Variants in ZBTB37 observed in about 807,000 individuals in gnomAD.
ZBTB37 encodes zinc finger and BTB domain-containing protein 37.
ZBTB37 carries 15 observed loss-of-function variants against 37.7 expected under a neutral mutation model. The ratio of observed to expected loss-of-function variants is 0.40; its 90% confidence interval spans 0.27 to 0.61. The LOEUF is 0.61. Ranked by LOEUF, ZBTB37 falls within the 20% of genes least tolerant of loss-of-function variation. ZBTB37 has a pLI of 0.44. For synonymous variants in ZBTB37, 231 were observed against 220.6 expected, an observed-to-expected ratio of 1.05 and a Z score of -0.42; for missense variants, 514 against 641.9, an observed-to-expected ratio of 0.80 and a Z score of 2.15.
chr1:173,884,960 G>A (rs1056098176), intron 4 of ZBTB37, among the ~76,000 whole-genome samples: 7 of 152,316 alleles, frequency 4.6e-5, no homozygotes, highest in Middle Eastern at 3.4e-3. Context: ...CTGGCTGGGC[G>A]TCGTGGCTTA....
chr1:173,874,626 C>T (rs1160772084), intron 4 of ZBTB37, among the ~76,000 whole-genome samples: 1 of 152,178 alleles, frequency 6.6e-6, no homozygotes, highest in Non-Finnish European at 1.5e-5. Flanking sequence ...GCTGGGATTA[C>T]AGGTGTGAGC....
At chr1:173,873,156 G>C (rs919123647) in intron 3 of ZBTB37, among the ~76,000 whole-genome samples, 3 of 151,978 alleles carry the variant, frequency 2.0e-5, no homozygotes, top group Non-Finnish European at 4.4e-5. Flanking sequence ...CAAAATTATA[G>C]GCCCCGTTTT....
At chr1:173,894,257 T>TAAGTAATTTTAATTACTTAAAATC (rs1268098103) in exon 4 of ZBTB37, 8 of 152,212 alleles carry the variant, frequency 5.3e-5, no homozygotes, top group Non-Finnish European at 1.2e-4. Context: ...TAATTAAAAT[T>TAAGTAATTTTAATTACTTAAAATC]AAGTAATTTT....
chr1:173,880,935 G>A (rs1422430625), intron 4 of ZBTB37, among the ~76,000 whole-genome samples: 2 of 151,716 alleles, frequency 1.3e-5, no homozygotes, highest in Admixed American at 6.6e-5. Flanking sequence ...CTTAGAGTTG[G>A]GGAGATTTCT....
chr1:173,873,553 A>C, exon 4 of ZBTB37: 1 of 1,614,080 alleles, frequency 6.2e-7, no homozygotes, highest in South Asian at 1.1e-5. Context: ...GAGCCTAAGC[A>C]ACCCAGCTCC....
At chr1:173,877,694 A>T (rs1656061923) in intron 4 of ZBTB37, among the ~76,000 whole-genome samples, 1 of 152,112 alleles carries the variant, frequency 6.6e-6, no homozygotes, top group Admixed American at 6.5e-5. Context: ...AAGGGGTGAG[A>T]CTACAGATGT....
intron 3 of ZBTB37, among the ~76,000 whole-genome samples, chr1:173,872,100 G>T (rs143031261): frequency 6.6e-6 from 1 of 152,224 alleles, no homozygotes; most frequent in East Asian, 1.9e-4. Flanking sequence ...ACGGAGTCTC[G>T]CTGTGTCGTC....
exon 4 of ZBTB37, chr1:173,895,796 G>A (rs1657022505): frequency 6.6e-6 from 1 of 152,156 alleles, no homozygotes; most frequent in Non-Finnish European, 1.5e-5. Context: ...AGATGTGTCA[G>A]ATTTAGGATG....
chr1:173,887,558 A>G (rs1656677726), downstream of ZBTB37: 1 of 152,214 alleles, frequency 6.6e-6, no homozygotes, highest in African/African-American at 2.4e-5. Flanking sequence ...CACTGAGAGA[A>G]AGAACTTAGC....
At chr1:173,873,758 A>C (rs984639889) in intron 4 of ZBTB37, 192 bp downstream of exon 4, 38 of 892,210 alleles carry the variant, frequency 4.3e-5, no homozygotes, top group Non-Finnish European at 3.1e-5. Context: ...CAGAAAGGAA[A>C]ATTGCAGACT....
At chr1:173,878,922 C>T (rs1201199868) in intron 4 of ZBTB37, among the ~76,000 whole-genome samples, 2 of 151,964 alleles carry the variant, frequency 1.3e-5, no homozygotes, top group African/African-American at 4.8e-5. Flanking sequence ...AACCCCTTCT[C>T]TAATAAAAAT....
exon 3 of ZBTB37, chr1:173,870,806 C>G (rs769099246): frequency 2.5e-6 from 4 of 1,614,222 alleles, no homozygotes; most frequent in Middle Eastern, 3.3e-4. Context: ...GAGGAGTCCA[C>G]CAGCCCTCAG....
intron 4 of ZBTB37, among the ~76,000 whole-genome samples, chr1:173,880,122 A>G (rs373586223): frequency 6.6e-6 from 1 of 152,310 alleles, no homozygotes; most frequent in South Asian, 2.1e-4. Flanking sequence ...ACCCAAGTGC[A>G]TTTTATTGCA....
chr1:173,890,481 A>T (rs776653344), downstream of ZBTB37: 5 of 152,122 alleles, frequency 3.3e-5, no homozygotes, highest in Non-Finnish European at 5.9e-5. Flanking sequence ...TGTACTTATT[A>T]GTTCAAGGAA....
intron 4 of ZBTB37, among the ~76,000 whole-genome samples, chr1:173,877,823 G>T (rs1157140493): frequency 6.6e-6 from 1 of 152,138 alleles, no homozygotes; most frequent in African/African-American, 2.4e-5. Flanking sequence ...CTAAAACAGG[G>T]CAAGGACTTA....
exon 4 of ZBTB37, chr1:173,900,478 A>G (rs995614462): frequency 3.3e-5 from 5 of 152,200 alleles, no homozygotes; most frequent in African/African-American, 1.2e-4. Context: ...CACTGTTCAA[A>G]CTAACTAGCT....
At chr1:173,896,476 C>T (rs971496646) in exon 4 of ZBTB37, 5 of 152,180 alleles carry the variant, frequency 3.3e-5, no homozygotes, top group Admixed American at 2.0e-4. Context: ...TATAGATTCT[C>T]TGTGAATTTA....
downstream of ZBTB37, chr1:173,891,089 A>T (rs369245167): frequency 9.9e-5 from 15 of 152,232 alleles, no homozygotes; most frequent in African/African-American, 3.4e-4. Context: ...GTGCTCCTTC[A>T]TGATTCCCAT....
chr1:173,868,345 T>G (rs937789974), upstream of ZBTB37: 3 of 152,140 alleles, frequency 2.0e-5, no homozygotes, highest in African/African-American at 4.9e-5. Flanking sequence ...TGGGAGGGGG[T>G]GGGGGATTTC....
Sources: allele counts gnomAD v4.1 joint callset (sites outside exome capture counted in the v4.1 genomes callset), GRCh38; gene constraint gnomAD v4.1.1; transcripts MANE v1.5; gene names NCBI Gene and HGNC (gene_info 2026-07-23, HGNC 2026-07-21).